WDR75: variants seen among roughly 807,000 people sequenced by gnomAD.
WDR75 encodes WD repeat-containing protein 75.
Under a neutral mutation model 106.1 loss-of-function variants are expected in WDR75, and 52 were observed. The ratio of observed to expected loss-of-function variants is 0.49; its 90% CI spans 0.39 to 0.62. The LOEUF is 0.62. WDR75 is among the 20% of genes least tolerant of loss of function. The probability of loss-of-function intolerance (pLI) is 0.00; values close to 1 mark genes in which losing one functional copy is unlikely to be tolerated. For missense variants in WDR75, 905 were observed against 970.3 expected (o/e 0.93, Z 0.89); for synonymous variants, 333 against 335.5 (o/e 0.99, Z 0.08).
At chr2:189,454,172 G>C (rs1686685393) in intron 4 of WDR75, among the ~76,000 whole-genome samples, 1 of 152,162 alleles carries the variant, frequency 6.6e-6, no homozygotes, top group Non-Finnish European at 1.5e-5. Flanking sequence ...GAAGGGCTGT[G>C]CAGCTGTGTT....
chr2:189,449,674 T>C, intron 2 of WDR75: 1 of 995,906 alleles, frequency 1.0e-6, no homozygotes, highest in South Asian at 4.5e-5. Flanking sequence ...ACAGTGTTTG[T>C]GTATTAACCA....
chr2:189,465,338 T>C lies in WDR75; in HGVS notation c.1289+84T>C, dbSNP rs1244349450. The C allele has an allele frequency of 3.7e-6, 5 of 1,365,682 alleles. No homozygotes were observed. The East Asian group carries it at 1.2e-4, about 33-fold the overall frequency. 84.6% of individuals were successfully genotyped at this position (1,365,682 alleles called of 1,614,324 possible). On this transcript the variant is annotated intron_variant, in intron 12 of 20. Transcript: ENST00000314761. ...TACAGTTTCAATTGTCTTTAAGATGTTTCATCTTGACAAGGTTTAGATTTA... is the reference window on the plus strand; with the variant it reads ...TACAGTTTCAATTGTCTTTAAGATGCTTCATCTTGACAAGGTTTAGATTTA...
At chr2:189,463,207 T>C (rs4666775) in intron 9 of WDR75, among the ~76,000 whole-genome samples, 129,958 of 152,196 alleles carry the variant, frequency 0.85, 56,636 homozygotes, top group Non-Finnish European at 0.95. Context: ...GTTAAACTAT[T>C]TTTATTAGAT....
At chr2:189,441,659 C>G (rs1686368237) in intron 1 of WDR75, 81 bp downstream of exon 1, 1 of 1,453,284 alleles carries the variant, frequency 6.9e-7, no homozygotes, top group African/African-American at 1.4e-5. Context: ...TTGTCAGTCG[C>G]GTTCGGACTC....
At chr2:189,473,087 G>A (rs1687147926) in intron 18 of WDR75, among the ~76,000 whole-genome samples, 1 of 152,010 alleles carries the variant, frequency 6.6e-6, no homozygotes, top group East Asian at 1.9e-4. Context: ...GCATGGTGGT[G>A]CATGCCTGTA....
Position 189,475,412 on chromosome 2 carries a change from CTT to C in WDR75, c.2490_2491del (p.Ter831SerfsTer14). 6.3e-7 allele frequency: 1 copy of C among 1,596,972 alleles called. No homozygotes were observed. Among genetic ancestry groups the C allele is most frequent in the Non-Finnish European group, 8.5e-7 (1 of 1,172,568 alleles). On this transcript the variant is annotated frameshift_variant, in exon 21 of 21. Coordinates refer to ENST00000314761, the MANE Select transcript of WDR75 (RefSeq NM_032168.3). LOFTEE classifies it high-confidence loss of function. ...AATAGACTACAGCTGGATAGCTGCC[CTT>C]TAAGCCTTGGAGATGGGGAGGATCC... ...RKIDYSWIAA[L>X]
intron 14 of WDR75, 92 bp from the exon 15 acceptor site, chr2:189,468,383 A>G (rs1687048421): frequency 8.8e-7 from 1 of 1,132,262 alleles, no homozygotes. Flanking sequence ...AAAAATCTGC[A>G]TTACATAGAA....
rs776064216 is a variant in WDR75 at position 189,458,838 on chromosome 2, G to A, written c.655G>A (p.Ala219Thr). The A allele has an allele frequency of 6.8e-6, 11 of 1,606,248 alleles. No homozygotes were observed. Among genetic ancestry groups the A allele is most frequent in the East Asian group, 2.3e-5 (1 of 44,418 alleles). The change falls in exon 7 of 21, where the codon GCA (alanine) becomes ACA (threonine). Residue 219 changes from alanine (A) to threonine (T), a missense_variant. By Grantham distance (58) the Ala-to-Thr change is moderately conservative. Transcript: ENST00000314761. ...ATGTCACCCAACGGAAGACTGCATC[G>A]CATCTGGTCACATGGATGGCAAAAT... ...VACHPTEDCI[A>T]SGHMDGKIRL...
chr2:189,447,979 C>G (rs910798679), intron 1 of WDR75, among the ~76,000 whole-genome samples: 1 of 152,168 alleles, frequency 6.6e-6, no homozygotes. Context: ...TTCCCCTATA[C>G]TGTTCTTGTG....
intron 16 of WDR75, 65 bp downstream of exon 16, chr2:189,469,504 T>G: frequency 7.1e-7 from 1 of 1,408,130 alleles, no homozygotes; most frequent in Non-Finnish European, 1.0e-6. Context: ...CTTAATATAA[T>G]TTGAGCCAAA....
intron 7 of WDR75, 61 bp downstream of exon 7, chr2:189,458,933 G>C: frequency 6.7e-7 from 1 of 1,502,066 alleles, no homozygotes; most frequent in South Asian, 1.4e-5. Flanking sequence ...TAGTCCTGTA[G>C]AACAGGGCTA....
chr2:189,449,986 CTAAG>C (rs1686582346), intron 2 of WDR75: 1 of 985,162 alleles, frequency 1.0e-6, no homozygotes, highest in South Asian at 4.7e-5. Flanking sequence ...ATTAATAAAA[CTAAG>C]TACACTGGGA....
In WDR75 at chr2:189,463,557, A is replaced by AAATAAT. The variant is rs112645995; in HGVS notation, c.938-124_938-119dup. The AAATAAT allele has an allele frequency of 2.2e-5, 16 of 714,968 alleles. No homozygotes were observed. In the African/African-American group the frequency reaches 2.4e-4, roughly 11 times the overall value. 44.3% of individuals were successfully genotyped at this position (714,968 alleles called of 1,614,324 possible). On this transcript the variant is annotated intron_variant, in intron 9 of 20. Coordinates refer to ENST00000314761, the MANE Select transcript of WDR75 (RefSeq NM_032168.3). ...ACACTAATGATAGCTGATGAGCTAA[A>AAATAAT]AATAATAATAATAATAATGTTTTCA...
intron 4 of WDR75, 100 bp from the exon 5 acceptor site, chr2:189,455,220 G>A (rs963932441): frequency 9.5e-6 from 13 of 1,363,434 alleles, no homozygotes; most frequent in South Asian, 4.6e-5. Context: ...CAGCCTGGGC[G>A]ACAGAGCAAG....
At chr2:189,462,424 T>A (rs1686909426) in intron 8 of WDR75, 60 bp from the exon 9 acceptor site, 1 of 1,572,596 alleles carries the variant, frequency 6.4e-7, no homozygotes, top group Admixed American at 1.9e-5. Flanking sequence ...TTAATTATAT[T>A]TTTCTTTCTC....
intron 12 of WDR75, 104 bp from the exon 13 acceptor site, chr2:189,466,321 C>A: frequency 1.6e-6 from 2 of 1,251,244 alleles, no homozygotes; most frequent in Non-Finnish European, 2.3e-6. Flanking sequence ...TATCAGTTGC[C>A]TGTTGTTCAA....
intron 1 of WDR75, among the ~76,000 whole-genome samples, chr2:189,443,337 A>G (rs1686427213): frequency 6.6e-6 from 1 of 152,214 alleles, no homozygotes; most frequent in Middle Eastern, 3.2e-3. Flanking sequence ...CAAGAAAGAC[A>G]GAAGTGATTT....
chr2:189,448,964 G>A (rs1402010562), intron 2 of WDR75: 6 of 436,802 alleles, frequency 1.4e-5, no homozygotes, highest in Non-Finnish European at 2.8e-5. Context: ...TAAGGCTCTG[G>A]CTTACTCTAG....
chr2:189,469,563 G>A (rs777191782), intron 16 of WDR75, 124 bp downstream of exon 16: 4 of 724,078 alleles, frequency 5.5e-6, no homozygotes, highest in Admixed American at 2.5e-5. Context: ...CTTGAGGCAC[G>A]GCCCTTCTTT....
Sources: gnomAD v4.1 joint callset for allele counts (sites outside exome capture counted in the v4.1 genomes callset) on GRCh38, gnomAD v4.1.1 for gene constraint, MANE v1.5 for transcripts, NCBI Gene and HGNC (gene_info 2026-07-23, HGNC 2026-07-21) for gene names.